Variants in C12orf43 observed in about 807,000 individuals in gnomAD.
C12orf43 encodes the protein chromosome 12 open reading frame 43, also known as protein CUSTOS.
In C12orf43, 15 loss-of-function variants were observed where a neutral mutation model predicts 20.6. That is an observed-to-expected ratio of 0.73 (90% CI 0.49 to 1.12). The LOEUF is 1.12. Among genes scored for constraint, C12orf43 ranks in the 50% most tolerant of loss-of-function variants. C12orf43 has a pLI of 0.00. For missense variants in C12orf43, 334 were observed against 344.4 expected (o/e 0.97, Z 0.24); for synonymous variants, 144 against 130.8 (o/e 1.10, Z -0.69).
Position 121,000,932 on chromosome 12 carries a change from T to G in C12orf43, c.*3221A>C. On this transcript the variant is annotated 3_prime_UTR_variant, in exon 6 of 6. Transcript: ENST00000288757. ...AAGAACCGAGGGTAGAGGTGTGACTTTGGGGTTCCTGTTATCTGCTGTGAT... is the reference window on the plus strand; with the variant it reads ...AAGAACCGAGGGTAGAGGTGTGACTGTGGGGTTCCTGTTATCTGCTGTGAT... The G allele has an allele frequency of 3.1e-6, 4 of 1,272,980 alleles. No homozygotes were observed. Among genetic ancestry groups the G allele is most frequent in the Non-Finnish European group, 4.5e-6 (4 of 893,616 alleles). The allele number at this position is 1,272,980 out of a possible 1,614,324, so 78.9% of individuals were successfully genotyped here.
Position 121,004,366 on chromosome 12 carries a change from C to G in C12orf43, c.576G>C (p.Lys192Asn). The change falls in exon 6 of 6, where the codon AAG (lysine) becomes AAC (asparagine). Residue 192 changes from lysine to asparagine, a missense_variant. Lys to Asn is a moderately conservative substitution (Grantham distance 94, BLOSUM62 0). Coordinates refer to ENST00000288757, the MANE Select transcript of C12orf43 (RefSeq NM_022895.3). The surrounding 1 kb of genome is among the most constrained non-coding windows in gnomAD (Gnocchi z 5.6). ...CCACCTTCTTGGCTTTCTTTTTCAACTTCCTTTTCTTCTTTGCCTCCTTCT... is the reference window on the plus strand; with the variant it reads ...CCACCTTCTTGGCTTTCTTTTTCAAGTTCCTTTTCTTCTTTGCCTCCTTCT... ...TVEKEAKKKR[K>N]LKKKAKKVAS... 6.2e-7 allele frequency: 1 copy of G among 1,614,208 alleles called. No homozygotes were observed. Among genetic ancestry groups the G allele is most frequent in the Non-Finnish European group, 8.5e-7 (1 of 1,180,044 alleles).
At chr12:121,011,790 C>T (rs530291596) in intron 1 of C12orf43, among the ~76,000 whole-genome samples, 1 of 152,252 alleles carries the variant, frequency 6.6e-6, no homozygotes, top group South Asian at 2.1e-4. Flanking sequence ...TGCTAAGTGC[C>T]GTGGAAGAGA....
In C12orf43 at chr12:121,010,869, G is replaced by T. The variant is rs2135879710; in HGVS notation, c.246C>A (p.Phe82Leu). The change falls in exon 3 of 6, where the codon TTC becomes TTA. Residue 82 changes from phenylalanine (F) to leucine (L), a missense_variant. Coordinates refer to ENST00000288757, the MANE Select transcript of C12orf43 (RefSeq NM_022895.3). Reference protein sequence around the residue: ...DGNELQTTPEFRAHVAKKLGA... With the variant: ...DGNELQTTPELRAHVAKKLGA... ...CCAGCTTCTTGGCTACGTGGGCTCGGAATTCAGGGGTGGTCTGAAGCTCGT... is the reference window on the plus strand; with the variant it reads ...CCAGCTTCTTGGCTACGTGGGCTCGTAATTCAGGGGTGGTCTGAAGCTCGT... 1.2e-6 allele frequency: 2 copies of T among 1,614,128 alleles called. No homozygotes were observed. The highest frequency in any genetic ancestry group is 2.2e-5 in the East Asian group (1 of 44,880).
At chr12:121,009,617 T>C (rs1878292011) in intron 3 of C12orf43, among the ~76,000 whole-genome samples, 2 of 152,162 alleles carry the variant, frequency 1.3e-5, no homozygotes, top group African/African-American at 4.8e-5. Flanking sequence ...GAGGACACAG[T>C]AGGAAGGCGC....
chr12:121,011,359 T>A (rs1037277969), intron 1 of C12orf43, among the ~76,000 whole-genome samples: 5 of 148,306 alleles, frequency 3.4e-5, no homozygotes, highest in Admixed American at 2.0e-4. Flanking sequence ...TATATGTATA[T>A]AATATAGTTA....
At chr12:121,012,571 G>C (rs1373643991) in intron 1 of C12orf43, 2 of 685,100 alleles carry the variant, frequency 2.9e-6, no homozygotes, top group African/African-American at 3.5e-5. Context: ...ATGGAGTCAA[G>C]GCCGGGCGCG....
chr12:121,011,224 C>T, intron 1 of C12orf43, 78 bp from the exon 2 acceptor site: 1 of 1,249,718 alleles, frequency 8.0e-7, no homozygotes, highest in East Asian at 2.3e-5. Context: ...GCACTATTTT[C>T]AGCAGCTTAA....
chr12:121,003,994 G>A lies in C12orf43; in HGVS notation c.*159C>T. On this transcript the variant is annotated 3_prime_UTR_variant, in exon 6 of 6. Coordinates refer to ENST00000288757, the MANE Select transcript of C12orf43 (RefSeq NM_022895.3). ...GCCACTTTTTTGGCCCAACTCTCGA[G>A]CAAGCCTTCATCACCATCAGGGTCT... is the stretch of plus-strand genomic sequence containing the variant. The A allele has an allele frequency of 2.5e-6, 2 of 813,510 alleles. No individual in the cohort carries two copies. Among genetic ancestry groups the A allele is most frequent in the Admixed American group, 2.3e-5 (1 of 44,136 alleles). 50.4% of individuals were successfully genotyped at this position (813,510 alleles called of 1,614,324 possible). A position where few individuals can be genotyped will look rare whatever the true frequency, so the allele number is the denominator to read the frequency against.
At position 121,011,026 on chromosome 12, in the gene C12orf43, G is replaced by T. The variant is rs780733128; in HGVS notation, c.188+78C>A. The T allele has an allele frequency of 7.0e-6, 11 of 1,579,972 alleles. No homozygotes were observed. The East Asian group carries it at 2.2e-4, about 32-fold the overall frequency. ...TCTTGTTCACCTGGAAATGCCAGGC[G>T]TGAAGCCTAGCATCTGGCACACGCA... is the stretch of plus-strand genomic sequence containing the variant. On this transcript the variant is annotated intron_variant, in intron 2 of 5. Coordinates refer to ENST00000288757, the MANE Select transcript of C12orf43 (RefSeq NM_022895.3).
chr12:121,004,188 G>C lies in C12orf43; in HGVS notation c.754C>G (p.Pro252Ala), dbSNP rs778619072. 8.7e-6 allele frequency: 14 copies of C among 1,614,188 alleles called. No homozygotes were observed. In the East Asian group the frequency reaches 2.7e-4, roughly 31 times the overall value. The stretch of plus-strand genomic sequence containing the variant: ...GGTATAGCTGTAGCACTCTTTGCTG[G>C]TGGGAATGGAGAGGTCTCGCTGGCC... The part of the protein sequence containing the change: ...KKASETSPFP[P>A]AKSATAIPAN The change falls in exon 6 of 6, where the codon CCA (proline) becomes GCA (alanine). Residue 252 changes from proline (P) to alanine (A), a missense_variant. Pro to Ala is a conservative substitution (Grantham distance 27). Transcript: ENST00000288757. This position sits in a 1 kb window ranked among gnomAD's most constrained non-coding sequence, Gnocchi z 5.6.
intron 3 of C12orf43, among the ~76,000 whole-genome samples, chr12:121,009,316 G>A (rs770945460): frequency 2.6e-5 from 4 of 152,060 alleles, no homozygotes; most frequent in Non-Finnish European, 4.4e-5. Flanking sequence ...TTAGCCAAGC[G>A]TGGTGGGTGC....
chr12:121,011,697 G>A (rs116285958), intron 1 of C12orf43, among the ~76,000 whole-genome samples: 1,556 of 152,230 alleles, frequency 0.01, 25 homozygotes, highest in African/African-American at 0.035. Flanking sequence ...TGACTCCTGA[G>A]CCCCCTCTTA....
At position 121,005,117 on chromosome 12, in the gene C12orf43, A is replaced by G. The variant is rs138030887; in HGVS notation, c.362-24T>C. ...ACCTAAGATTCAATGGGGCAGAGTC[A>G]AACAAAAACAAAACAAAACAAAAAG... On this transcript the variant is annotated intron_variant, in intron 4 of 5. Coordinates refer to ENST00000288757, the MANE Select transcript of C12orf43 (RefSeq NM_022895.3). This position sits in a 1 kb window ranked among gnomAD's most constrained non-coding sequence, Gnocchi z 5.6. 19 of 1,101,128 alleles carry G rather than the reference A, an allele frequency of 1.7e-5. No individual in the cohort carries two copies. The African/African-American group carries it at 2.3e-4, about 13-fold the overall frequency. 68.2% of individuals were successfully genotyped at this position (1,101,128 alleles called of 1,614,324 possible). A position where few individuals can be genotyped will look rare whatever the true frequency, so the allele number is the denominator to read the frequency against.
intron 1 of C12orf43, chr12:121,012,336 A>G: frequency 1.4e-6 from 1 of 699,632 alleles, no homozygotes; most frequent in Non-Finnish European, 2.6e-6. Context: ...CAGAGGGGCC[A>G]GATCATGAAG....
Position 121,004,600 on chromosome 12 carries a change from G to C in C12orf43, c.453-111C>G. 8.7e-7 allele frequency: 1 copy of C among 1,153,694 alleles called. No individual in the cohort carries two copies. Among genetic ancestry groups the C allele is most frequent in the Non-Finnish European group, 1.2e-6 (1 of 821,662 alleles). 71.5% of individuals were successfully genotyped at this position (1,153,694 alleles called of 1,614,324 possible). A position where few individuals can be genotyped will look rare whatever the true frequency, so the allele number is the denominator to read the frequency against. On this transcript the variant is annotated intron_variant, in intron 5 of 5. Coordinates refer to ENST00000288757, the MANE Select transcript of C12orf43 (RefSeq NM_022895.3). This position sits in a 1 kb window ranked among gnomAD's most constrained non-coding sequence, Gnocchi z 5.6. The stretch of plus-strand genomic sequence containing the variant: ...TCACCAGAAGGTGGCCGCAGAGAGA[G>C]GCAGGTAGTGAGTTCAGGCTTGGGA...
chr12:121,006,299 T>A (rs1215483310), intron 4 of C12orf43, 22 bp downstream of exon 4: 2 of 1,599,838 alleles, frequency 1.3e-6, no homozygotes, highest in East Asian at 2.2e-5. Flanking sequence ...AATGATAGCT[T>A]CTATTAAGTA....
chr12:121,012,413 A>T, intron 1 of C12orf43: 1 of 702,554 alleles, frequency 1.4e-6, no homozygotes, highest in African/African-American at 1.7e-5. Flanking sequence ...ATGAGCAGAG[A>T]AGGGACATAA....
intron 3 of C12orf43, among the ~76,000 whole-genome samples, chr12:121,008,116 C>A (rs1030111185): frequency 1.1e-4 from 17 of 151,806 alleles, no homozygotes; most frequent in African/African-American, 4.1e-4. Context: ...CACTAGGGAC[C>A]AAATGCAGTA....
At chr12:121,012,115 G>C (rs1417342207) in intron 1 of C12orf43, among the ~76,000 whole-genome samples, 1 of 152,212 alleles carries the variant, frequency 6.6e-6, no homozygotes, top group Non-Finnish European at 1.5e-5. Context: ...TGGGCAGAGA[G>C]GGCTTCACTG....
Sources: allele counts gnomAD v4.1 joint callset (sites outside exome capture counted in the v4.1 genomes callset), GRCh38; gene constraint gnomAD v4.1.1; non-coding constraint Gnocchi (gnomAD v3.1); transcripts MANE v1.5; gene names NCBI Gene and HGNC (gene_info 2026-07-23, HGNC 2026-07-21).